GPATCH8: variants seen among roughly 807,000 people sequenced by gnomAD.
GPATCH8 encodes the protein G-patch domain containing 8.
In GPATCH8, 18 loss-of-function variants were observed where a neutral mutation model predicts 118.3. The observed-to-expected ratio is 0.15, with a 90% CI of 0.11 to 0.23. GPATCH8 has a LOEUF of 0.23. Ranked by LOEUF, GPATCH8 falls within the 10% of genes least tolerant of loss-of-function variation. The probability of loss-of-function intolerance (pLI) is 1.00; values close to 1 mark genes in which losing one functional copy is unlikely to be tolerated. For missense variants in GPATCH8, 1,631 were observed against 1,873.8 expected, an observed-to-expected ratio of 0.87 and a Z score of 2.39; for synonymous variants, 659 against 684.7, an observed-to-expected ratio of 0.96 and a Z score of 0.59.
chr17:44,439,762 T>C (rs1266529666), intron 3 of GPATCH8, among the ~76,000 whole-genome samples: 2 of 152,056 alleles, frequency 1.3e-5, no homozygotes, highest in Non-Finnish European at 2.9e-5. Context: ...TCTGCTAATA[T>C]GTATTCTCTA....
chr17:44,493,619 G>T (rs1210444240), intron 1 of GPATCH8, among the ~76,000 whole-genome samples: 1 of 152,166 alleles, frequency 6.6e-6, no homozygotes, highest in African/African-American at 2.4e-5. Flanking sequence ...CAGGCTCGAT[G>T]GCGTGCACCT....
chr17:44,437,062 A>G, intron 3 of GPATCH8, among the ~76,000 whole-genome samples: 1 of 152,346 alleles, frequency 6.6e-6, no homozygotes, highest in East Asian at 1.9e-4. Context: ...AAGATGCTTT[A>G]CAATTTTTTT....
chr17:44,427,480 A>C (rs1160469409), intron 5 of GPATCH8, among the ~76,000 whole-genome samples: 1 of 152,150 alleles, frequency 6.6e-6, no homozygotes, highest in African/African-American at 2.4e-5. Context: ...AACTAAGGTT[A>C]AAAGAAATAG....
chr17:44,434,265 G>A (rs1350735417), intron 5 of GPATCH8, among the ~76,000 whole-genome samples: 2 of 151,924 alleles, frequency 1.3e-5, no homozygotes, highest in Admixed American at 1.3e-4. Context: ...AGTATAAATA[G>A]GCTGAAGAGT....
intron 7 of GPATCH8, among the ~76,000 whole-genome samples, chr17:44,405,131 T>C (rs1464990892): frequency 6.6e-6 from 1 of 152,220 alleles, no homozygotes; most frequent in Non-Finnish European, 1.5e-5. Flanking sequence ...ATATTATATG[T>C]ATTGAAACAT....
Position 44,436,472 on chromosome 17 carries a change from AT to A in GPATCH8, c.261+5del. 8.0e-7 allele frequency: 1 copy of A among 1,250,688 alleles called. No individual in the cohort carries two copies. The highest frequency in any genetic ancestry group is 1.2e-6 in the Non-Finnish European group (1 of 847,934). The allele number at this position is 1,250,688 out of a possible 1,614,324, so 77.5% of individuals were successfully genotyped here. ...CAAAACTTATGAGTTAATGAGATCA[AT>A]TTACCTCCATTTCCATGCGACCCAT... On this transcript the variant is annotated splice_donor_5th_base_variant and intron_variant, in intron 4 of 7. Transcript: ENST00000591680.
At chr17:44,424,213 T>C (rs1262237458) in intron 6 of GPATCH8, 136 bp downstream of exon 6, 1 of 700,214 alleles carries the variant, frequency 1.4e-6, no homozygotes, top group African/African-American at 1.7e-5. Context: ...AAACAAAGTG[T>C]GTTGGATGAC....
chr17:44,429,794 G>A (rs1191262679), intron 5 of GPATCH8, among the ~76,000 whole-genome samples: 1 of 151,938 alleles, frequency 6.6e-6, no homozygotes, highest in Non-Finnish European at 1.5e-5. Flanking sequence ...AACTCAGGAG[G>A]TGAAGGCTGC....
intron 3 of GPATCH8, among the ~76,000 whole-genome samples, chr17:44,449,011 C>G (rs536880141): frequency 6.6e-6 from 1 of 152,294 alleles, no homozygotes; most frequent in Admixed American, 6.5e-5. Context: ...CGTGGTGGCT[C>G]ACGCCTGTAA....
intron 2 of GPATCH8, among the ~76,000 whole-genome samples, chr17:44,470,756 C>T (rs540681602): frequency 8.5e-4 from 129 of 152,282 alleles, no homozygotes; most frequent in Admixed American, 2.6e-3. Flanking sequence ...CATCTGCCCG[C>T]CTCAGCATCC....
At chr17:44,425,333 C>CA in intron 5 of GPATCH8, among the ~76,000 whole-genome samples, 1 of 152,268 alleles carries the variant, frequency 6.6e-6, no homozygotes, top group East Asian at 1.9e-4. Context: ...ACTATATCTA[C>CA]AGTTTCAAAG....
chr17:44,482,573 C>CAAAA (rs376299230), intron 1 of GPATCH8, among the ~76,000 whole-genome samples: 4 of 97,082 alleles, frequency 4.1e-5, no homozygotes, highest in Admixed American at 1.1e-4. Flanking sequence ...GACTCCATCT[C>CAAAA]AAAAAAAAAA....
chr17:44,398,602 T>C lies in GPATCH8; in HGVS notation c.3475A>G (p.Lys1159Glu), dbSNP rs768049778. 1 of 1,550,310 alleles carries C rather than the reference T, an allele frequency of 6.5e-7. No individual in the cohort carries two copies. Among genetic ancestry groups the C allele is most frequent in the South Asian group, 1.3e-5 (1 of 78,500 alleles). ...TCCAAGCCAGACTCTTCACACTTCT[T>C]ATTGGGCTTTCGGGTAGCTGGGAGC... ...GKLPATRKPN[K>E]KCEESGLERG... Residue 1159 changes from lysine to glutamate, a missense_variant, in exon 8 of 8, where the codon AAG becomes GAG. By Grantham distance (56) the Lys-to-Glu change is moderately conservative. Around this residue, in one of 8 missense-constraint regions of GPATCH8, gnomAD observed 922 missense variants for 879.7 expected, o/e 1.05. Transcript: ENST00000591680.
intron 5 of GPATCH8, among the ~76,000 whole-genome samples, chr17:44,430,821 T>TG (rs1369553437): frequency 2.0e-5 from 3 of 150,666 alleles, no homozygotes; most frequent in African/African-American, 7.3e-5. Flanking sequence ...TTTTTTTTTT[T>TG]TGTATTTTTA....
intron 6 of GPATCH8, among the ~76,000 whole-genome samples, chr17:44,407,557 C>T (rs2049276895): frequency 6.6e-6 from 1 of 151,984 alleles, no homozygotes; most frequent in Non-Finnish European, 1.5e-5. Flanking sequence ...TGGAAAAGAC[C>T]ATTATGGTAT....
chr17:44,402,324 CAAAAAAAAAAA>C (rs61316944), intron 7 of GPATCH8, among the ~76,000 whole-genome samples: 2 of 41,908 alleles, frequency 4.8e-5, no homozygotes, highest in East Asian at 6.9e-4. Flanking sequence ...GACTCTGTCT[CAAAAAAAAAAA>C]AAAAAAAAAA....
In GPATCH8 at chr17:44,397,119, C is replaced by T. The variant is rs555380310; in HGVS notation, c.*449G>A. 1.5e-4 allele frequency: 68 copies of T among 455,714 alleles called. No individual in the cohort carries two copies. Among genetic ancestry groups the T allele is most frequent in the African/African-American group, 1.3e-3 (64 of 50,188 alleles). The allele number at this position is 455,714 out of a possible 1,614,324, so 28.2% of individuals were successfully genotyped here. A position where few individuals can be genotyped will look rare whatever the true frequency, so the allele number is the denominator to read the frequency against. On this transcript the variant is annotated 3_prime_UTR_variant, in exon 8 of 8. Coordinates refer to ENST00000591680, the MANE Select transcript of GPATCH8 (RefSeq NM_001002909.4). ...CACTTCCACCACTAGAACAGCTTGG[C>T]CTTCCCTGTGGCGCTGAGAAGGCAA...
chr17:44,493,389 T>C (rs1969429696), intron 1 of GPATCH8, among the ~76,000 whole-genome samples: 1 of 152,150 alleles, frequency 6.6e-6, no homozygotes, highest in South Asian at 2.1e-4. Context: ...TGAGATGTTC[T>C]GAAACAAAAA....
chr17:44,414,115 A>ATATATATATATG (rs1555624945), intron 6 of GPATCH8, among the ~76,000 whole-genome samples: 3 of 83,466 alleles, frequency 3.6e-5, no homozygotes, highest in Admixed American at 1.3e-4. Flanking sequence ...GTATATATAT[A>ATATATATATATG]TGTATATATA....
Sources: gnomAD v4.1 joint callset for allele counts (sites outside exome capture counted in the v4.1 genomes callset) on GRCh38, gnomAD v4.1.1 for gene constraint, gnomAD v4.1.1 regional missense constraint, MANE v1.5 for transcripts, NCBI Gene and HGNC (gene_info 2026-07-23, HGNC 2026-07-21) for gene names.